Variants in TECPR2 observed in about 807,000 individuals in gnomAD.
The protein encoded by TECPR2 is tectonin beta-propeller repeat-containing protein 2.
TECPR2 carries 65 observed loss-of-function variants against 138.1 expected under a neutral mutation model. That is an observed-to-expected ratio of 0.47 (90% CI 0.39 to 0.58). The LOEUF (loss-of-function observed/expected upper bound fraction) is 0.58. Ranked by LOEUF, TECPR2 falls within the 20% of genes least tolerant of loss-of-function variation. TECPR2 has a pLI of 0.00. For synonymous variants in TECPR2, 746 were observed against 749.8 expected (o/e 0.99, Z 0.08); for missense variants, 1,553 against 1,824.5 (o/e 0.85, Z 2.71).
intron 2 of TECPR2, among the ~76,000 whole-genome samples, chr14:102,392,747 G>A (rs985315761): frequency 1.3e-5 from 2 of 152,086 alleles, no homozygotes; most frequent in South Asian, 2.1e-4. Context: ...GACCTGGATC[G>A]GGACTGCTCC....
chr14:102,482,749 G>T (rs185694964), intron 17 of TECPR2, among the ~76,000 whole-genome samples: 1 of 151,854 alleles, frequency 6.6e-6, no homozygotes, highest in Admixed American at 6.6e-5. Context: ...AGCAGTCTAG[G>T]TTGGAAACCA....
chr14:102,441,899 T>C (rs561344053), intron 11 of TECPR2, among the ~76,000 whole-genome samples: 1 of 152,324 alleles, frequency 6.6e-6, no homozygotes, highest in African/African-American at 2.4e-5. Context: ...GCAGGAGTTA[T>C]CGTCAGTTGT....
rs11271124 is a variant in TECPR2, at chr14:102,498,051, A to AAGCTCCCAGCTCCATCTGTG, written c.4082-52_4082-51insAGCTCCCAGCTCCATCTGTG. 4 of 1,585,248 alleles carry AAGCTCCCAGCTCCATCTGTG rather than the reference A, an allele frequency of 2.5e-6. No homozygotes were observed. In the South Asian group the frequency reaches 3.4e-5, roughly 14 times the overall value. On this transcript the variant is annotated intron_variant, in intron 19 of 19. Transcript: ENST00000359520. ...CAAGCTCCCAGCTCCATCTGTGCCC[A>AAGCTCCCAGCTCCATCTGTG]CCCCACAGGCTGTGTGATTGACAAG... is the stretch of plus-strand genomic sequence containing the variant.
At position 102,434,686 on chromosome 14, in the gene TECPR2, G is replaced by A. The variant is rs45605932; in HGVS notation, c.1869G>A (p.Gly623=). 135,875 of 1,612,844 alleles carry A rather than the reference G, an allele frequency of 0.084. 7,064 individuals are homozygous for A. The highest frequency in any genetic ancestry group is 0.25 in the African/African-American group (18,795 of 74,942). ...LPFQEQDSSP[G]AHDGEDIQPI... ...TCCAAGAACAGGACAGCTCTCCTGGGGCGCATGATGGGGAAGACATCCAAC... is the reference window on the plus strand; with the variant it reads ...TCCAAGAACAGGACAGCTCTCCTGGAGCGCATGATGGGGAAGACATCCAAC... Residue 623 remains glycine, a synonymous_variant, in exon 9 of 20, where the codon GGG becomes GGA. Transcript: ENST00000359520.
intron 19 of TECPR2, among the ~76,000 whole-genome samples, 179 bp downstream of exon 19, chr14:102,497,898 C>G (rs1225204017): frequency 1.3e-5 from 2 of 152,212 alleles, no homozygotes; most frequent in Non-Finnish European, 2.9e-5. Context: ...CTGGGCTCTG[C>G]CAGAGTCTCC....
chr14:102,481,146 G>C (rs971655547), intron 17 of TECPR2, among the ~76,000 whole-genome samples: 5 of 151,896 alleles, frequency 3.3e-5, no homozygotes, highest in African/African-American at 1.2e-4. Flanking sequence ...TTGAGTAGCT[G>C]GGGCTACAGG....
intron 17 of TECPR2, among the ~76,000 whole-genome samples, chr14:102,483,791 CTT>C (rs71119708): frequency 0.014 from 1,259 of 92,274 alleles, 17 homozygotes; most frequent in African/African-American, 0.045. Flanking sequence ...TTTTCCTTTT[CTT>C]TTTTTTTTTT....
chr14:102,425,796 G>A (rs935827004), intron 6 of TECPR2, among the ~76,000 whole-genome samples: 1 of 150,450 alleles, frequency 6.6e-6, no homozygotes, highest in Non-Finnish European at 1.5e-5. Flanking sequence ...GGCTGGTCTT[G>A]AACTCCTGAC....
chr14:102,483,791 C>CT (rs71119708), intron 17 of TECPR2, among the ~76,000 whole-genome samples: 8,743 of 92,430 alleles, frequency 0.095, 536 homozygotes, highest in Non-Finnish European at 0.14. Context: ...TTTTCCTTTT[C>CT]TTTTTTTTTT....
At chr14:102,368,751 G>C (rs1176265987) in intron 1 of TECPR2, among the ~76,000 whole-genome samples, 3 of 152,032 alleles carry the variant, frequency 2.0e-5, no homozygotes, top group Admixed American at 1.3e-4. Flanking sequence ...CTGGCTTCTG[G>C]GGGCAGGTGT....
At chr14:102,458,966 C>CACATATATATATATATAT (rs1260702159) in intron 16 of TECPR2, among the ~76,000 whole-genome samples, 2 of 138,366 alleles carry the variant, frequency 1.4e-5, no homozygotes, top group African/African-American at 5.3e-5. Context: ...AAAATACACA[C>CACATATATATATATATAT]ATATATATAT....
chr14:102,471,592 C>T (rs1890652487), intron 17 of TECPR2, among the ~76,000 whole-genome samples: 1 of 151,760 alleles, frequency 6.6e-6, no homozygotes, highest in Non-Finnish European at 1.5e-5. Context: ...GTCCCAGCTA[C>T]TCAGAAGACT....
intron 5 of TECPR2, among the ~76,000 whole-genome samples, chr14:102,422,526 A>C (rs191847192): frequency 5.3e-4 from 81 of 152,348 alleles, no homozygotes; most frequent in Admixed American, 5.3e-3. Flanking sequence ...AAGAAGGATA[A>C]ATCTGAGAAA....
chr14:102,434,416 A>G lies in TECPR2; in HGVS notation c.1599A>G (p.Glu533=), dbSNP rs1889596641. 3.3e-6 allele frequency: 5 copies of G among 1,529,968 alleles called. No individual in the cohort carries two copies. Among genetic ancestry groups the G allele is most frequent in the African/African-American group, 1.4e-5 (1 of 72,142 alleles). 94.8% of individuals were successfully genotyped at this position (1,529,968 alleles called of 1,614,324 possible). A position where few individuals can be genotyped will look rare whatever the true frequency, so the allele number is the denominator to read the frequency against. The change falls in exon 9 of 20, where the codon GAA becomes GAG. Residue 533 remains glutamate (E), a synonymous_variant. Transcript: ENST00000359520. ...SPDQESSFNG[E]VNGVPQENTD... is the part of the protein sequence containing the mutation. The stretch of plus-strand genomic sequence containing the variant: ...ACCAGGAAAGCAGCTTCAATGGTGA[A>G]GTGAACGGTGTCCCACAGGAAAATA...
chr14:102,441,654 C>G (rs955661628), intron 11 of TECPR2, among the ~76,000 whole-genome samples: 1 of 152,072 alleles, frequency 6.6e-6, no homozygotes, highest in Non-Finnish European at 1.5e-5. Flanking sequence ...CGCGCCACTG[C>G]ACTCTCCAGC....
rs1300823181 is a variant in TECPR2 at position 102,459,010 on chromosome 14, C to A, written c.3641-6131C>A. 3.4e-5 allele frequency among the ~76,000 whole-genome samples: 5 copies of A among 149,074 alleles called. No individual in the cohort carries two copies. The South Asian group carries it at 1.1e-3, about 32-fold the overall frequency. ...ATATATGTAATTTTAGTTTGACTCA[C>A]ATTATTTTTGTTGAAAGTTTACACA... On this transcript the variant is annotated intron_variant, in intron 16 of 19. Coordinates refer to ENST00000359520, the MANE Select transcript of TECPR2 (RefSeq NM_014844.5).
chr14:102,499,406 C>T lies in TECPR2; in HGVS notation c.*1149C>T, dbSNP rs1891385252. 1 of 592,294 alleles carries T rather than the reference C, an allele frequency of 1.7e-6. No individual in the cohort carries two copies. The highest frequency in any genetic ancestry group is 1.9e-5 in the African/African-American group (1 of 53,634). The allele number at this position is 592,294 out of a possible 1,614,324, so 36.7% of individuals were successfully genotyped here. Reference sequence around the variant, plus strand: ...AGAAGAGAGATATGTTTTCCGAAAACAGTGGAAGCCCTTTGTTCCTTCCCG... The same window carrying T: ...AGAAGAGAGATATGTTTTCCGAAAATAGTGGAAGCCCTTTGTTCCTTCCCG... On this transcript the variant is annotated 3_prime_UTR_variant, in exon 20 of 20. Transcript: ENST00000359520.
chr14:102,455,781 T>C (rs1268220925), intron 16 of TECPR2, among the ~76,000 whole-genome samples: 4 of 152,126 alleles, frequency 2.6e-5, no homozygotes, highest in Admixed American at 6.6e-5. Context: ...CTGGCTAATT[T>C]TTTGTATTTT....
intron 6 of TECPR2, among the ~76,000 whole-genome samples, chr14:102,426,782 C>A (rs1889333004): frequency 6.6e-6 from 1 of 152,128 alleles, no homozygotes; most frequent in Non-Finnish European, 1.5e-5. Flanking sequence ...TTGCTTGAAC[C>A]TGGGAGGCGG....
Sources: gnomAD v4.1 joint callset for allele counts (sites outside exome capture counted in the v4.1 genomes callset) on GRCh38, gnomAD v4.1.1 for gene constraint, MANE v1.5 for transcripts, NCBI Gene and HGNC (gene_info 2026-07-23, HGNC 2026-07-21) for gene names.